UBE3D: variants seen among roughly 807,000 people sequenced by gnomAD.
UBE3D encodes the protein E3 ubiquitin-protein ligase E3D.
In UBE3D, 48 loss-of-function variants were observed where a neutral mutation model predicts 49.6. That is an observed-to-expected ratio of 0.97 (90% CI 0.77 to 1.23). The LOEUF (loss-of-function observed/expected upper bound fraction) is 1.23, where lower values mean the gene tolerates loss of function less well. Ranked by LOEUF, UBE3D falls within the 50% of genes most tolerant of loss-of-function variation. The pLI is 0.00. For missense variants in UBE3D, 452 were observed against 468.4 expected (o/e 0.96, Z 0.32); for synonymous variants, 189 against 174.2 (o/e 1.08, Z -0.67).
At position 83,054,655 on chromosome 6, in the gene UBE3D, AT is replaced by A. The variant is rs558524870; in HGVS notation, c.275-418del. Among the ~76,000 whole-genome samples, 962 of 145,590 alleles carry A rather than the reference AT, an allele frequency of 6.6e-3. 11 individuals are homozygous for A. Among genetic ancestry groups the A allele is most frequent in the African/African-American group, 0.019 (763 of 39,956 alleles). On this transcript the variant is annotated intron_variant, in intron 2 of 9. Coordinates refer to ENST00000369747, the MANE Select transcript of UBE3D (RefSeq NM_198920.3). ...AATAGAGCTCTTAAATTTGAGTTTA[AT>A]TTTTTTTTTTTTTGAGATGGAGTCT...
chr6:82,971,243 G>T (rs577699848), intron 8 of UBE3D, among the ~76,000 whole-genome samples: 16 of 152,038 alleles, frequency 1.1e-4, no homozygotes, highest in African/African-American at 3.9e-4. Context: ...CAGAAATAAG[G>T]TCTTTTGGCT....
At chr6:82,932,246 C>T (rs1675925356) in intron 9 of UBE3D, among the ~76,000 whole-genome samples, 1 of 152,112 alleles carries the variant, frequency 6.6e-6, no homozygotes, top group African/African-American at 2.4e-5. Flanking sequence ...TGACACATAT[C>T]CACCACTACA....
intron 8 of UBE3D, among the ~76,000 whole-genome samples, chr6:82,982,554 A>G (rs1431698527): frequency 6.6e-6 from 1 of 152,186 alleles, no homozygotes; most frequent in Non-Finnish European, 1.5e-5. Flanking sequence ...CAGTTGCAAC[A>G]TTATAGCATA....
Position 83,065,724 on chromosome 6 carries a change from G to A in UBE3D, c.-6C>T, listed in dbSNP as rs769336011. 2 of 1,609,710 alleles carry A rather than the reference G, an allele frequency of 1.2e-6. No homozygotes were observed. The highest frequency in any genetic ancestry group is 1.1e-5 in the South Asian group (1 of 90,338). ...TCCGCCGCAGAAGCCGCCATGGCAG[G>A]CTTCCAGTCCCAGACCGGACCAAGC... On this transcript the variant is annotated 5_prime_UTR_variant, in exon 1 of 10. Transcript: ENST00000369747.
intron 9 of UBE3D, among the ~76,000 whole-genome samples, chr6:82,939,113 T>C (rs1774815298): frequency 6.6e-6 from 1 of 151,804 alleles, no homozygotes; most frequent in Non-Finnish European, 1.5e-5. Context: ...ATCACAGAAT[T>C]AGACAAACCC....
chr6:82,969,357 C>A (rs946110686), intron 8 of UBE3D, among the ~76,000 whole-genome samples: 1 of 152,064 alleles, frequency 6.6e-6, no homozygotes, highest in Non-Finnish European at 1.5e-5. Flanking sequence ...CGACTCTAAT[C>A]CCACTTTGAG....
chr6:82,968,062 C>T (rs1159773506), intron 8 of UBE3D, among the ~76,000 whole-genome samples: 2 of 152,030 alleles, frequency 1.3e-5, no homozygotes, highest in African/African-American at 2.4e-5. Context: ...ATAATAGCTA[C>T]GAGCTGCTAT....
chr6:83,022,633 T>A, intron 6 of UBE3D, 72 bp from the exon 7 acceptor site: 1 of 1,077,348 alleles, frequency 9.3e-7, no homozygotes, highest in Non-Finnish European at 1.3e-6. Context: ...AAGCAAAAAA[T>A]ACACACACGG....
intron 8 of UBE3D, among the ~76,000 whole-genome samples, chr6:82,975,349 GCA>G (rs1342034344): frequency 6.6e-6 from 1 of 152,008 alleles, no homozygotes; most frequent in Non-Finnish European, 1.5e-5. Flanking sequence ...ATAAAGAACG[GCA>G]CGTATAACTT....
intron 8 of UBE3D, among the ~76,000 whole-genome samples, chr6:82,979,714 C>T (rs1277526855): frequency 6.6e-6 from 1 of 152,082 alleles, no homozygotes; most frequent in East Asian, 1.9e-4. Flanking sequence ...AAATAATGTA[C>T]ACTGTACAAA....
At chr6:83,037,646 T>C (rs1321586910) in intron 5 of UBE3D, 1 of 152,248 alleles carries the variant, frequency 6.6e-6, no homozygotes, top group Non-Finnish European at 1.5e-5. Context: ...AATTGCTTCA[T>C]GTAAATCACA....
At position 82,892,570 on chromosome 6, in the gene UBE3D, T is replaced by C. The variant is rs941332177; in HGVS notation, c.*452A>G. 2.4e-5 allele frequency: 4 copies of C among 166,262 alleles called. No individual in the cohort carries two copies. Among genetic ancestry groups the C allele is most frequent in the African/African-American group, 9.6e-5 (4 of 41,626 alleles). The allele number at this position is 166,262 out of a possible 1,614,324, so 10.3% of individuals were successfully genotyped here. ...TATAAAATGTTTTCTACTTTTCTTT[T>C]TTAAAATTTGTTTTAAATCATCCTG... is the stretch of plus-strand genomic sequence containing the variant. On this transcript the variant is annotated 3_prime_UTR_variant, in exon 10 of 10. Coordinates refer to ENST00000369747, the MANE Select transcript of UBE3D (RefSeq NM_198920.3).
chr6:82,913,002 T>C (rs780523525), intron 9 of UBE3D, among the ~76,000 whole-genome samples: 1 of 152,126 alleles, frequency 6.6e-6, no homozygotes, highest in African/African-American at 2.4e-5. Context: ...TTCACTAAGG[T>C]GGACAGTTTT....
intron 8 of UBE3D, among the ~76,000 whole-genome samples, chr6:82,983,284 A>T (rs1199000949): frequency 6.6e-6 from 1 of 151,648 alleles, no homozygotes; most frequent in Non-Finnish European, 1.5e-5. Flanking sequence ...AGTGAAGCCT[A>T]TTCAAGTTGT....
At chr6:82,973,940 A>C (rs1312813079) in intron 8 of UBE3D, among the ~76,000 whole-genome samples, 2 of 152,150 alleles carry the variant, frequency 1.3e-5, no homozygotes, top group African/African-American at 2.4e-5. Context: ...CCTTATGAGA[A>C]TCTAATACCT....
chr6:83,059,695 G>C (rs1486512027), intron 1 of UBE3D, among the ~76,000 whole-genome samples: 1 of 152,116 alleles, frequency 6.6e-6, no homozygotes, highest in Admixed American at 6.6e-5. Flanking sequence ...CATTGCAAGG[G>C]TGGTGACACA....
At chr6:82,882,544 G>T in the UBE3D span, among the ~76,000 whole-genome samples, 1 of 152,186 alleles carries the variant, frequency 6.6e-6, no homozygotes, top group Non-Finnish European at 1.5e-5. Context: ...TAACTTGCCT[G>T]AGAGCTGCAG....
chr6:83,040,039 G>A (rs1371873888), intron 4 of UBE3D, among the ~76,000 whole-genome samples: 2 of 152,122 alleles, frequency 1.3e-5, no homozygotes, highest in African/African-American at 2.4e-5. Context: ...TTTGAGGTGT[G>A]TTTGTGTATG....
At chr6:82,987,337 T>G (rs1177861248) in intron 8 of UBE3D, among the ~76,000 whole-genome samples, 2 of 152,152 alleles carry the variant, frequency 1.3e-5, no homozygotes, top group Non-Finnish European at 2.9e-5. Flanking sequence ...TTTAATAAGT[T>G]ATTTTGTTTG....
Sources: allele counts gnomAD v4.1 joint callset (sites outside exome capture counted in the v4.1 genomes callset), GRCh38; gene constraint gnomAD v4.1.1; transcripts MANE v1.5; gene names NCBI Gene and HGNC (gene_info 2026-07-23, HGNC 2026-07-21).